ADAMTSL1: variants seen among roughly 807,000 people sequenced by gnomAD.
The protein encoded by ADAMTSL1 is ADAMTS-like protein 1.
A neutral mutation model predicts 201.8 loss-of-function variants in ADAMTSL1; 126 were observed. That is an observed-to-expected ratio of 0.62 (90% CI 0.54 to 0.72). The LOEUF is 0.72. Among genes scored for constraint, ADAMTSL1 ranks in the 30% least tolerant of loss-of-function variants. The probability of loss-of-function intolerance (pLI) is 0.00; values close to 1 mark genes in which losing one functional copy is unlikely to be tolerated. For synonymous variants in ADAMTSL1, 1,121 were observed against 903.4 expected (o/e 1.24, Z -4.32); for missense variants, 2,679 against 2,277.8 (o/e 1.18, Z -3.59).
At chr9:18,897,196 G>C (rs530657412) in intron 26 of ADAMTSL1, among the ~76,000 whole-genome samples, 1 of 152,194 alleles carries the variant, frequency 6.6e-6, no homozygotes, top group South Asian at 2.1e-4. Flanking sequence ...TCCAACCTGG[G>C]TTATACTAAC....
intron 1 of ADAMTSL1, among the ~76,000 whole-genome samples, chr9:17,937,610 G>A (rs946007406): frequency 7.0e-4 from 4 of 5,708 alleles, no homozygotes; most frequent in African/African-American, 1.1e-3. Flanking sequence ...TATGCTTGTT[G>A]ATTTAAATTC....
intron 2 of ADAMTSL1, among the ~76,000 whole-genome samples, chr9:18,303,781 T>C (rs540783106): frequency 1.3e-5 from 2 of 152,310 alleles, no homozygotes; most frequent in African/African-American, 4.8e-5. Flanking sequence ...CATTAATGGA[T>C]TTAGCAGTGA....
intron 25 of ADAMTSL1, among the ~76,000 whole-genome samples, chr9:18,892,179 C>T (rs1361074554): frequency 2.6e-5 from 4 of 152,264 alleles, no homozygotes; most frequent in Non-Finnish European, 4.4e-5. Context: ...AGAACCTTGC[C>T]ACATAGCATT....
intron 2 of ADAMTSL1, among the ~76,000 whole-genome samples, chr9:18,257,676 T>C (rs1475686682): frequency 6.6e-6 from 1 of 152,168 alleles, no homozygotes; most frequent in African/African-American, 2.4e-5. Context: ...ATATTCTCTT[T>C]CTAGATATAT....
chr9:18,550,240 A>G (rs1360632330), intron 3 of ADAMTSL1, among the ~76,000 whole-genome samples: 1 of 151,958 alleles, frequency 6.6e-6, no homozygotes, highest in Non-Finnish European at 1.5e-5. Flanking sequence ...GGCAAAAAGT[A>G]TGTACTTCTG....
At chr9:18,660,765 G>A (rs544153502) in intron 8 of ADAMTSL1, among the ~76,000 whole-genome samples, 60 of 152,018 alleles carry the variant, frequency 3.9e-4, no homozygotes, top group African/African-American at 1.1e-3. Flanking sequence ...CATTGCTTTC[G>A]TTACTTTTCA....
chr9:18,440,712 A>G (rs1819959155), intron 2 of ADAMTSL1, among the ~76,000 whole-genome samples: 1 of 151,824 alleles, frequency 6.6e-6, no homozygotes, highest in Non-Finnish European at 1.5e-5. Context: ...TTTTGAAGAG[A>G]TGGTCATATT....
At chr9:18,632,437 C>G (rs1232037958) in intron 5 of ADAMTSL1, among the ~76,000 whole-genome samples, 1 of 152,092 alleles carries the variant, frequency 6.6e-6, no homozygotes, top group African/African-American at 2.4e-5. Flanking sequence ...TATGGATAAA[C>G]ATCTTAGGTA....
intron 2 of ADAMTSL1, among the ~76,000 whole-genome samples, chr9:18,512,027 TG>T (rs1564007981): frequency 6.6e-6 from 1 of 152,202 alleles, no homozygotes; most frequent in African/African-American, 2.4e-5. Context: ...TTTGAATTTT[TG>T]TTTAAAAGAA....
chr9:18,122,719 A>G (rs1587101146), intron 1 of ADAMTSL1, among the ~76,000 whole-genome samples: 1 of 152,290 alleles, frequency 6.6e-6, no homozygotes, highest in East Asian at 1.9e-4. Context: ...TCTTCTTTTC[A>G]GCGGTGCTGG....
rs1427978749 is a variant in ADAMTSL1 at position 18,448,069 on chromosome 9, A to C, written c.208-56760A>C. ...TCTCTCTGCCATAAAGTATTTGCCC[A>C]GAAAACAAGAGAAAACAAAAATCAA... On this transcript the variant is annotated intron_variant, in intron 2 of 29. Transcript: ENST00000680146. 2.0e-5 allele frequency among the ~76,000 whole-genome samples: 3 copies of C among 152,300 alleles called. No homozygotes were observed. In the South Asian group the frequency reaches 6.2e-4, roughly 32 times the overall value.
intron 1 of ADAMTSL1, among the ~76,000 whole-genome samples, chr9:17,971,129 G>A (rs1317345349): frequency 6.6e-6 from 1 of 152,030 alleles, no homozygotes; most frequent in Non-Finnish European, 1.5e-5. Context: ...TTTGTTTTGT[G>A]AAGGTCATTC....
At chr9:18,799,432 T>C (rs1265059451) in intron 20 of ADAMTSL1, among the ~76,000 whole-genome samples, 1 of 152,190 alleles carries the variant, frequency 6.6e-6, no homozygotes, top group African/African-American at 2.4e-5. Context: ...GGAAAGGAAG[T>C]AGTTTCCAGG....
At chr9:18,638,105 C>T (rs890401362) in intron 6 of ADAMTSL1, among the ~76,000 whole-genome samples, 2 of 151,910 alleles carry the variant, frequency 1.3e-5, no homozygotes, top group African/African-American at 4.8e-5. Context: ...CGGTGGGATC[C>T]CCTCTGTTCT....
chr9:18,085,719 A>G (rs1404239130), intron 1 of ADAMTSL1, among the ~76,000 whole-genome samples: 1 of 151,000 alleles, frequency 6.6e-6, no homozygotes, highest in African/African-American at 2.4e-5. Context: ...CTGTGTGTGT[A>G]TATATATAGC....
At chr9:18,576,115 G>C (rs1441747233) in intron 4 of ADAMTSL1, among the ~76,000 whole-genome samples, 1 of 151,956 alleles carries the variant, frequency 6.6e-6, no homozygotes, top group African/African-American at 2.4e-5. Flanking sequence ...AGATTTGAGA[G>C]CAAATACGGT....
intron 2 of ADAMTSL1, among the ~76,000 whole-genome samples, chr9:18,347,404 AT>A (rs1396172680): frequency 6.6e-6 from 1 of 152,176 alleles, no homozygotes; most frequent in East Asian, 1.9e-4. Flanking sequence ...GACATATTCA[AT>A]TCTAAGGAAC....
chr9:18,232,407 A>T (rs1830676538), intron 2 of ADAMTSL1, among the ~76,000 whole-genome samples: 1 of 152,160 alleles, frequency 6.6e-6, no homozygotes, highest in South Asian at 2.1e-4. Context: ...CCTGGCCTGC[A>T]ACTTCCCTTC....
chr9:18,396,378 G>A (rs1243815122), intron 2 of ADAMTSL1, among the ~76,000 whole-genome samples: 1 of 151,808 alleles, frequency 6.6e-6, no homozygotes, highest in African/African-American at 2.4e-5. Context: ...TAAAATCTAA[G>A]TCTCTTGTGC....
Sources: gnomAD v4.1 joint callset for allele counts (sites outside exome capture counted in the v4.1 genomes callset) on GRCh38, gnomAD v4.1.1 for gene constraint, MANE v1.5 for transcripts, NCBI Gene and HGNC (gene_info 2026-07-23, HGNC 2026-07-21) for gene names.